CCNY: variants seen among roughly 807,000 people sequenced by gnomAD.
CCNY encodes the protein cyclin Y, also known as cyclin-Y.
In CCNY, 19 loss-of-function variants were observed where a neutral mutation model predicts 42.8. That is an observed-to-expected ratio of 0.44 (90% CI 0.31 to 0.65). CCNY has a LOEUF of 0.65. CCNY is among the 30% of genes least tolerant of loss of function. CCNY has a pLI of 0.07. For missense variants in CCNY, 370 were observed against 437.3 expected (o/e 0.85, Z 1.37); for synonymous variants, 165 against 162.7 (o/e 1.01, Z -0.11).
At chr10:35,494,794 C>T (rs1340404472) in intron 2 of CCNY, among the ~76,000 whole-genome samples, 1 of 152,180 alleles carries the variant, frequency 6.6e-6, no homozygotes, top group Non-Finnish European at 1.5e-5. Flanking sequence ...TACTTATATA[C>T]AAATACATTC....
At chr10:35,540,592 G>A (rs1381873642) in intron 7 of CCNY, among the ~76,000 whole-genome samples, 1 of 150,502 alleles carries the variant, frequency 6.6e-6, no homozygotes, top group Non-Finnish European at 1.5e-5. Flanking sequence ...GTTTGTGGAA[G>A]GTTGGTATTC....
intron 1 of CCNY, among the ~76,000 whole-genome samples, chr10:35,342,811 C>T (rs943178530): frequency 1.3e-5 from 2 of 152,028 alleles, no homozygotes; most frequent in Admixed American, 1.3e-4. Flanking sequence ...AGCTGGGGTT[C>T]GGTCTGCTGT....
chr10:35,529,211 T>C (rs1840713397), intron 5 of CCNY, among the ~76,000 whole-genome samples: 1 of 152,186 alleles, frequency 6.6e-6, no homozygotes, highest in Admixed American at 6.5e-5. Context: ...CAGTATAAAA[T>C]TGTGAAACTT....
chr10:35,336,989 A>G lies in CCNY; in HGVS notation c.-65A>G, dbSNP rs1255844149. On this transcript the variant is annotated 5_prime_UTR_variant, in exon 1 of 10. Coordinates refer to ENST00000374704, the MANE Select transcript of CCNY (RefSeq NM_145012.6). The stretch of plus-strand genomic sequence containing the variant: ...CCCCCGCCGCCCGCGCCCCGCGTCC[A>G]CCCGCGCCCCGCTCCCGGGGACTGG... 1.6e-6 allele frequency: 2 copies of G among 1,257,950 alleles called. No individual in the cohort carries two copies. The highest frequency in any genetic ancestry group is 2.9e-5 in the South Asian group (1 of 34,902). 77.9% of individuals were successfully genotyped at this position (1,257,950 alleles called of 1,614,324 possible). A position where few individuals can be genotyped will look rare whatever the true frequency, so the allele number is the denominator to read the frequency against.
intron 3 of CCNY, among the ~76,000 whole-genome samples, chr10:35,279,805 G>A (rs946277908): frequency 6.6e-6 from 1 of 152,216 alleles, no homozygotes; most frequent in Non-Finnish European, 1.5e-5. Flanking sequence ...AGGCCTGCCA[G>A]GAAAAGCCTG....
At chr10:35,402,256 G>A (rs926312465) in intron 1 of CCNY, among the ~76,000 whole-genome samples, 6 of 152,178 alleles carry the variant, frequency 3.9e-5, no homozygotes, top group Admixed American at 2.6e-4. Context: ...AATGATTGGT[G>A]ATGGCCTGGA....
At chr10:35,312,437 C>T (rs564221080) in intron 3 of CCNY, among the ~76,000 whole-genome samples, 2 of 149,514 alleles carry the variant, frequency 1.3e-5, no homozygotes, top group East Asian at 4.0e-4. Flanking sequence ...AAACCCCTGT[C>T]TGTGCAAACT....
At position 35,526,002 on chromosome 10, in the gene CCNY, A is replaced by G. The variant is rs944826710; in HGVS notation, c.401+3A>G. ...ATATATTATCACATCAAAAACAGGT[A>G]TGTGGATGGTTGTGTGCTAAAAACA... On this transcript the variant is annotated splice_donor_region_variant and intron_variant, in intron 5 of 9. Transcript: ENST00000374704. The G allele has an allele frequency of 1.9e-6, 3 of 1,609,900 alleles. No homozygotes were observed. Among genetic ancestry groups the G allele is most frequent in the Non-Finnish European group, 2.5e-6 (3 of 1,178,346 alleles).
At chr10:35,338,484 C>G (rs1836102816) in intron 1 of CCNY, among the ~76,000 whole-genome samples, 1 of 152,142 alleles carries the variant, frequency 6.6e-6, no homozygotes, top group Admixed American at 6.5e-5. Context: ...GCTTAGATGT[C>G]TTTGAACTAC....
intron 7 of CCNY, among the ~76,000 whole-genome samples, chr10:35,532,745 TC>T (rs1840795152): frequency 6.6e-6 from 1 of 152,182 alleles, no homozygotes; most frequent in Non-Finnish European, 1.5e-5. Flanking sequence ...CAGCTGCCCC[TC>T]CACGAGGCCC....
At chr10:35,423,658 A>T (rs1179696683) in intron 1 of CCNY, among the ~76,000 whole-genome samples, 2 of 152,088 alleles carry the variant, frequency 1.3e-5, no homozygotes, top group Non-Finnish European at 2.9e-5. Flanking sequence ...CAGTAACTGA[A>T]TCCTTCAGAG....
At chr10:35,557,163 T>C (rs1841377883) in intron 8 of CCNY, among the ~76,000 whole-genome samples, 1 of 152,174 alleles carries the variant, frequency 6.6e-6, no homozygotes, top group Admixed American at 6.5e-5. Context: ...TGCAATATAT[T>C]TTATATAGTA....
At chr10:35,451,221 C>T (rs1428977851) in intron 1 of CCNY, among the ~76,000 whole-genome samples, 1 of 152,210 alleles carries the variant, frequency 6.6e-6, no homozygotes, top group Admixed American at 6.5e-5. Context: ...TCTTCTCCCA[C>T]TTCTTCCCCC....
At chr10:35,322,518 CA>C (rs551839954) in intron 3 of CCNY, among the ~76,000 whole-genome samples, 39 of 152,158 alleles carry the variant, frequency 2.6e-4, no homozygotes, top group African/African-American at 9.2e-4. Flanking sequence ...TAGACTTTTA[CA>C]AAGTTAAAGA....
At position 35,354,660 on chromosome 10, in the gene CCNY, G is replaced by C. The variant is rs183156215; in HGVS notation, c.154+17453G>C. Among the ~76,000 whole-genome samples, 530 of 152,302 alleles carry C rather than the reference G, an allele frequency of 3.5e-3. 2 individuals carry two copies. The highest frequency in any genetic ancestry group is 0.012 in the African/African-American group (513 of 41,560). On this transcript the variant is annotated intron_variant, in intron 1 of 9. Coordinates refer to ENST00000374704, the MANE Select transcript of CCNY (RefSeq NM_145012.6). ...CACGACAAACATGGATTAAGATTCT[G>C]TTCATTGTGTTTAACAGAAGTTCAC...
intron 8 of CCNY, among the ~76,000 whole-genome samples, chr10:35,556,878 T>C (rs1169620004): frequency 6.6e-6 from 1 of 151,828 alleles, no homozygotes; most frequent in Non-Finnish European, 1.5e-5. Context: ...AGAGTTTCAT[T>C]GTTGTTGCCC....
At chr10:35,269,675 C>T (rs1835138680) in intron 3 of CCNY, among the ~76,000 whole-genome samples, 2 of 148,380 alleles carry the variant, frequency 1.3e-5, no homozygotes, top group South Asian at 4.3e-4. Context: ...GTCACCCAGG[C>T]TGGAGTGCAG....
rs529579660 is a variant in CCNY at position 35,344,147 on chromosome 10, A to G, written c.154+6940A>G. Among the ~76,000 whole-genome samples the G allele has an allele frequency of 2.0e-5, 3 of 152,160 alleles. No homozygotes were observed. In the East Asian group the frequency reaches 5.8e-4, roughly 29 times the overall value. ...TGGTCAGGAGACCATTTCTTCTCTG[A>G]TTCTCAGCATTATTCTAGCCTGTCT... On this transcript the variant is annotated intron_variant, in intron 1 of 9. Transcript: ENST00000374704.
At chr10:35,378,119 A>C (rs958211508) in intron 1 of CCNY, among the ~76,000 whole-genome samples, 1 of 152,242 alleles carries the variant, frequency 6.6e-6, no homozygotes, top group Non-Finnish European at 1.5e-5. Context: ...GATCTGTCTT[A>C]TACTTTAAAT....
Sources: gnomAD v4.1 joint callset for allele counts (sites outside exome capture counted in the v4.1 genomes callset) on GRCh38, gnomAD v4.1.1 for gene constraint, MANE v1.5 for transcripts, NCBI Gene and HGNC (gene_info 2026-07-23, HGNC 2026-07-21) for gene names.